Variants in PIK3R5 observed in about 807,000 individuals in gnomAD.
The protein encoded by PIK3R5 is phosphoinositide 3-kinase regulatory subunit 5.
PIK3R5 carries 32 observed loss-of-function variants against 94.9 expected under a neutral mutation model. The ratio of observed to expected loss-of-function variants is 0.34; its 90% CI spans 0.25 to 0.45. PIK3R5 has a LOEUF of 0.45. Among genes scored for constraint, PIK3R5 ranks in the 20% least tolerant of loss-of-function variants. The pLI, the probability that PIK3R5 is intolerant of heterozygous loss-of-function variation, is 1.00. For missense variants in PIK3R5, 853 were observed against 1,144.6 expected (o/e 0.75, Z 3.68); for synonymous variants, 443 against 479.4 (o/e 0.92, Z 0.99).
At chr17:8,954,503 A>G (rs1324544860) in intron 1 of PIK3R5, among the ~76,000 whole-genome samples, 2 of 152,174 alleles carry the variant, frequency 1.3e-5, no homozygotes, top group African/African-American at 4.8e-5. Flanking sequence ...CGTGTTGCAA[A>G]CAGACACTTC....
intron 1 of PIK3R5, among the ~76,000 whole-genome samples, chr17:8,956,639 C>T (rs537866221): frequency 6.6e-6 from 1 of 152,252 alleles, no homozygotes; most frequent in African/African-American, 2.4e-5. Context: ...CAATAACAGG[C>T]CAAGGAGAGC....
intron 1 of PIK3R5, among the ~76,000 whole-genome samples, chr17:8,964,128 T>C (rs1445712971): frequency 6.6e-6 from 1 of 152,170 alleles, no homozygotes; most frequent in Non-Finnish European, 1.5e-5. Context: ...CAGTGGCTCA[T>C]GTCTATAATC....
intron 2 of PIK3R5, among the ~76,000 whole-genome samples, chr17:8,910,485 G>A (rs150097642): frequency 4.0e-4 from 61 of 152,278 alleles, no homozygotes; most frequent in Middle Eastern, 6.8e-3. Flanking sequence ...TCTTCATTGA[G>A]GATCCCACTG....
Position 8,888,076 on chromosome 17 carries a change from G to T in PIK3R5, c.1616+95C>A. ...ATAAAAATAAATAAGGGAACTTTTG[G>T]TTCCTCTGGGGCCCTAAGCCTCAGG... On this transcript the variant is annotated intron_variant, in intron 10 of 18. Coordinates refer to ENST00000447110, the MANE Select transcript of PIK3R5 (RefSeq NM_001142633.3). This position sits in a 1 kb window ranked among gnomAD's most constrained non-coding sequence, Gnocchi z 7.8. 1.4e-6 allele frequency: 1 copy of T among 690,688 alleles called. No individual in the cohort carries two copies. The highest frequency in any genetic ancestry group is 2.3e-6 in the Non-Finnish European group (1 of 440,836). The allele number at this position is 690,688 out of a possible 1,614,324, so 42.8% of individuals were successfully genotyped here.
rs2089934042 is a variant in PIK3R5, at chr17:8,888,402, G to T, written c.1385C>A (p.Pro462His). Residue 462 changes from proline to histidine, a missense_variant, in exon 10 of 19, where the codon CCC becomes CAC. Around this residue, in one of 6 missense-constraint regions of PIK3R5, gnomAD observed 319 missense variants for 339.8 expected, o/e 0.94. Transcript: ENST00000447110. The surrounding 1 kb of genome is among the most constrained non-coding windows in gnomAD (Gnocchi z 7.8). The part of the protein sequence containing the change: ...PLRRAGSLCS[P>H]LDEPVSPPSR... The stretch of plus-strand genomic sequence containing the variant: ...AGGGGGTGATACTGGTTCGTCCAGG[G>T]GGCTGCAGAGGCTCCCTGCCCGCCT... The T allele has an allele frequency of 1.3e-6, 2 of 1,586,972 alleles. No homozygotes were observed. The highest frequency in any genetic ancestry group is 1.7e-6 in the Non-Finnish European group (2 of 1,170,022).
At chr17:8,959,214 A>G (rs2091515827) in intron 1 of PIK3R5, among the ~76,000 whole-genome samples, 3 of 152,158 alleles carry the variant, frequency 2.0e-5, no homozygotes, top group African/African-American at 7.2e-5. Flanking sequence ...TGTCCTCTAC[A>G]CAGTTTTCAT....
chr17:8,922,218 G>A (rs190258843), intron 1 of PIK3R5, among the ~76,000 whole-genome samples: 154 of 152,040 alleles, frequency 1.0e-3, no homozygotes, highest in African/African-American at 3.5e-3. Flanking sequence ...TTATTGAGTG[G>A]CTGATCTGTG....
chr17:8,899,202 T>C (rs2090221359), intron 5 of PIK3R5, among the ~76,000 whole-genome samples: 1 of 152,224 alleles, frequency 6.6e-6, no homozygotes, highest in Admixed American at 6.5e-5. Flanking sequence ...TGGGCGATCA[T>C]ACGGGGGTGG....
At chr17:8,948,686 G>A (rs745925193) in intron 1 of PIK3R5, among the ~76,000 whole-genome samples, 3 of 152,204 alleles carry the variant, frequency 2.0e-5, no homozygotes, top group Non-Finnish European at 4.4e-5. Flanking sequence ...AGGATGTGAA[G>A]CCACGCAAAC....
chr17:8,953,375 G>A (rs989965845), intron 1 of PIK3R5, among the ~76,000 whole-genome samples: 5 of 152,122 alleles, frequency 3.3e-5, no homozygotes, highest in African/African-American at 1.2e-4. Flanking sequence ...CCACCCTTTA[G>A]GCCAAGCTCT....
At chr17:8,944,616 C>T (rs1190859200) in intron 1 of PIK3R5, among the ~76,000 whole-genome samples, 1 of 152,200 alleles carries the variant, frequency 6.6e-6, no homozygotes, top group Non-Finnish European at 1.5e-5. Context: ...AGAGTGGGAA[C>T]ATACCCTCTG....
chr17:8,886,351 T>C, intron 13 of PIK3R5, 29 bp from the exon 14 acceptor site: 1 of 1,602,634 alleles, frequency 6.2e-7, no homozygotes, highest in Non-Finnish European at 8.5e-7. Context: ...TGTACATCAG[T>C]GTGAACCTCC....
chr17:8,899,152 A>T (rs1222497006), intron 5 of PIK3R5, among the ~76,000 whole-genome samples: 2 of 152,236 alleles, frequency 1.3e-5, no homozygotes, highest in South Asian at 2.1e-4. Flanking sequence ...ACCCAGTGGC[A>T]CTGACGTGAG....
intron 1 of PIK3R5, among the ~76,000 whole-genome samples, chr17:8,927,313 C>T (rs912568921): frequency 6.6e-6 from 1 of 152,236 alleles, no homozygotes; most frequent in Admixed American, 6.5e-5. Flanking sequence ...CCACCTCCAC[C>T]AGCAAAAGCC....
intron 1 of PIK3R5, among the ~76,000 whole-genome samples, chr17:8,921,207 A>C (rs760678847): frequency 3.9e-4 from 59 of 152,236 alleles, no homozygotes; most frequent in Admixed American, 1.2e-3. Flanking sequence ...TAAATGTAAT[A>C]ACTGTGATAA....
At chr17:8,962,765 A>C (rs1211429171) in intron 1 of PIK3R5, among the ~76,000 whole-genome samples, 1 of 152,236 alleles carries the variant, frequency 6.6e-6, no homozygotes, top group South Asian at 2.1e-4. Context: ...AAATGTGAAA[A>C]TATGTACATC....
chr17:8,903,153 T>A (rs1206896278), intron 5 of PIK3R5, among the ~76,000 whole-genome samples: 4 of 152,190 alleles, frequency 2.6e-5, no homozygotes, highest in Admixed American at 2.6e-4. Context: ...CCTTTTTAGA[T>A]AGTCTTCTAA....
Position 8,881,475 on chromosome 17 carries a change from C to A in PIK3R5, c.2382+155G>T, listed in dbSNP as rs1567629874. On this transcript the variant is annotated intron_variant, in intron 17 of 18. Coordinates refer to ENST00000447110, the MANE Select transcript of PIK3R5 (RefSeq NM_001142633.3). This position sits in a 1 kb window ranked among gnomAD's most constrained non-coding sequence, Gnocchi z 4.8. ...ACCCTGCCTCTCCTCCCCCACCTCT[C>A]CTCTCTCTCTCACACACACACAAGT... Among the ~76,000 whole-genome samples the A allele has an allele frequency of 6.6e-6, 1 of 152,054 alleles. No individual in the cohort carries two copies. The highest frequency in any genetic ancestry group is 2.4e-5 in the African/African-American group (1 of 41,364).
rs969809895 is a variant in PIK3R5, at chr17:8,911,283, A to G, written c.103+109T>C. 2 of 812,840 alleles carry G rather than the reference A, an allele frequency of 2.5e-6. No homozygotes were observed. The highest frequency in any genetic ancestry group is 3.4e-5 in the African/African-American group (2 of 59,626). 50.4% of individuals were successfully genotyped at this position (812,840 alleles called of 1,614,324 possible). On this transcript the variant is annotated intron_variant, in intron 2 of 18. Coordinates refer to ENST00000447110, the MANE Select transcript of PIK3R5 (RefSeq NM_001142633.3). The surrounding 1 kb of genome is among the most constrained non-coding windows in gnomAD (Gnocchi z 5.3). ...GCTGAGGCTTGCCCAAGTCACACAG[A>G]CAGGGTTTCACCTAGAATTTGCCAG...
Sources: allele counts gnomAD v4.1 joint callset (sites outside exome capture counted in the v4.1 genomes callset), GRCh38; gene constraint gnomAD v4.1.1; regional missense constraint gnomAD v4.1.1; non-coding constraint Gnocchi (gnomAD v3.1); transcripts MANE v1.5; gene names NCBI Gene and HGNC (gene_info 2026-07-23, HGNC 2026-07-21).